GPR158: variants seen among roughly 807,000 people sequenced by gnomAD.
GPR158 encodes the protein metabotropic glycine receptor.
A neutral mutation model predicts 78.2 loss-of-function variants in GPR158; 30 were observed. The observed-to-expected ratio is 0.38, with a 90% CI of 0.29 to 0.52. The LOEUF (loss-of-function observed/expected upper bound fraction) is 0.52. Among genes scored for constraint, GPR158 ranks in the 20% least tolerant of loss-of-function variants. GPR158 has a pLI of 0.83. For synonymous variants in GPR158, 581 were observed against 591.1 expected, an observed-to-expected ratio of 0.98 and a Z score of 0.25; for missense variants, 1,463 against 1,523.5, an observed-to-expected ratio of 0.96 and a Z score of 0.66.
chr10:25,486,083 G>C (rs1219134488), intron 5 of GPR158, among the ~76,000 whole-genome samples: 1 of 152,232 alleles, frequency 6.6e-6, no homozygotes, highest in South Asian at 2.1e-4. Context: ...CAGCCTCCAG[G>C]ACTCGGAGAA....
At chr10:25,522,400 A>G (rs1836290050) in intron 5 of GPR158, among the ~76,000 whole-genome samples, 1 of 152,158 alleles carries the variant, frequency 6.6e-6, no homozygotes, top group South Asian at 2.1e-4. Flanking sequence ...TTACTTTTTT[A>G]TAAAGAGAGA....
At position 25,463,653 on chromosome 10, in the gene GPR158, T is replaced by C. The variant is rs575703732; in HGVS notation, c.1336-2998T>C. 4.6e-5 allele frequency among the ~76,000 whole-genome samples: 7 copies of C among 152,276 alleles called. No homozygotes were observed. The East Asian group carries it at 1.4e-3, about 29-fold the overall frequency. ...ATAACTAGGAAGGAGATGACTTTTT[T>C]TCTTGGTCTCTGTTATTTTGCTCAT... On this transcript the variant is annotated intron_variant, in intron 4 of 10. Transcript: ENST00000376351.
intron 4 of GPR158, among the ~76,000 whole-genome samples, chr10:25,441,787 T>A (rs1835071471): frequency 6.6e-6 from 1 of 152,346 alleles, no homozygotes; most frequent in South Asian, 2.1e-4. Flanking sequence ...GAGACTTTTC[T>A]TTGTTAATCT....
chr10:25,175,488 G>T lies in GPR158; in HGVS notation c.68G>T (p.Gly23Val). ...LLAQLGLGAV[G>V]ASRDPQGRPD... Reference sequence around the variant, plus strand: ...GCTCAGCTGGGATTGGGAGCTGTTGGCGCCAGCCGCGACCCCCAAGGACGG... The same window carrying T: ...GCTCAGCTGGGATTGGGAGCTGTTGTCGCCAGCCGCGACCCCCAAGGACGG... Residue 23 changes from glycine (G) to valine (V), a missense_variant, in exon 1 of 11, where the codon GGC (glycine) becomes GTC (valine). Coordinates refer to ENST00000376351, the MANE Select transcript of GPR158 (RefSeq NM_020752.3). This position sits in a 1 kb window ranked among gnomAD's most constrained non-coding sequence, Gnocchi z 6.4. The T allele has an allele frequency of 6.2e-7, 1 of 1,611,336 alleles. No homozygotes were observed. The highest frequency in any genetic ancestry group is 1.1e-5 in the South Asian group (1 of 90,860).
chr10:25,508,677 G>A (rs1337358576), intron 5 of GPR158, among the ~76,000 whole-genome samples: 1 of 152,086 alleles, frequency 6.6e-6, no homozygotes, highest in Admixed American at 6.5e-5. Flanking sequence ...CAGGTCAGCT[G>A]GCATCTGGCA....
rs397828725 is a variant in GPR158 at position 25,452,225 on chromosome 10, T to TAC, written c.1336-14426_1336-14425insAC. Among the ~76,000 whole-genome samples, 62 of 151,534 alleles carry TAC rather than the reference T, an allele frequency of 4.1e-4. No individual in the cohort carries two copies. In the East Asian group the frequency reaches 0.01, roughly 25 times the overall value. On this transcript the variant is annotated intron_variant, in intron 4 of 10. Coordinates refer to ENST00000376351, the MANE Select transcript of GPR158 (RefSeq NM_020752.3). ...GAAACCTTTTAAATATATATATATA[T>TAC]GGTAGCAATGAGGTCCCATTGCATT... is the stretch of plus-strand genomic sequence containing the variant.
chr10:25,448,272 A>T (rs1024695039), intron 4 of GPR158, among the ~76,000 whole-genome samples: 2 of 149,646 alleles, frequency 1.3e-5, no homozygotes, highest in Non-Finnish European at 3.0e-5. Flanking sequence ...TTTTTTTTTT[A>T]GTAGAGACGG....
intron 4 of GPR158, among the ~76,000 whole-genome samples, chr10:25,429,328 A>G (rs367752189): frequency 1.3e-5 from 2 of 152,114 alleles, no homozygotes; most frequent in African/African-American, 4.8e-5. Context: ...AAAATGCTAG[A>G]AGAAGTTTTA....
At chr10:25,427,213 G>A (rs1420524171) in intron 4 of GPR158, among the ~76,000 whole-genome samples, 2 of 152,058 alleles carry the variant, frequency 1.3e-5, no homozygotes, top group Non-Finnish European at 1.5e-5. Context: ...GGTGTGAAGG[G>A]TGTTGGGAGA....
chr10:25,194,686 A>G (rs951352169), intron 1 of GPR158, among the ~76,000 whole-genome samples: 25 of 152,194 alleles, frequency 1.6e-4, no homozygotes, highest in Non-Finnish European at 3.2e-4. Context: ...AACTGGCAGT[A>G]TGAGTTTTAG....
At chr10:25,237,164 C>T (rs1343030087) in intron 2 of GPR158, among the ~76,000 whole-genome samples, 1 of 152,130 alleles carries the variant, frequency 6.6e-6, no homozygotes, top group Non-Finnish European at 1.5e-5. Flanking sequence ...AGTTTCATCA[C>T]TAATTTATCT....
intron 2 of GPR158, among the ~76,000 whole-genome samples, chr10:25,239,591 G>C (rs953225537): frequency 1.4e-5 from 2 of 140,848 alleles, no homozygotes; most frequent in Non-Finnish European, 3.0e-5. Context: ...TTGGGTGACA[G>C]AGCGAGACTC....
chr10:25,283,151 T>A (rs1854300486), intron 2 of GPR158, among the ~76,000 whole-genome samples: 2 of 152,056 alleles, frequency 1.3e-5, no homozygotes, highest in South Asian at 4.1e-4. Flanking sequence ...TCTTCTTTGT[T>A]GGAAGATTTT....
intron 2 of GPR158, among the ~76,000 whole-genome samples, chr10:25,368,749 T>C (rs988638608): frequency 6.9e-6 from 1 of 144,340 alleles, no homozygotes; most frequent in African/African-American, 2.6e-5. Context: ...ATTGAATCTG[T>C]AAATTACCTT....
intron 2 of GPR158, among the ~76,000 whole-genome samples, chr10:25,311,482 T>C (rs1854763772): frequency 1.3e-5 from 2 of 152,046 alleles, no homozygotes; most frequent in Admixed American, 6.6e-5. Context: ...ATTTATTGTG[T>C]ATATGAAAGC....
chr10:25,299,314 A>G (rs1218343331), intron 2 of GPR158, among the ~76,000 whole-genome samples: 1 of 152,152 alleles, frequency 6.6e-6, no homozygotes, highest in African/African-American at 2.4e-5. Context: ...AGCTATAGTC[A>G]TTGTAATGTA....
intron 4 of GPR158, among the ~76,000 whole-genome samples, chr10:25,453,174 C>T (rs542744778): frequency 1.6e-4 from 25 of 152,228 alleles, no homozygotes; most frequent in Non-Finnish European, 1.2e-4. Context: ...GTAAATAATG[C>T]ACAGTGAACA....
chr10:25,195,617 A>G (rs1044986145), intron 1 of GPR158, among the ~76,000 whole-genome samples: 1 of 152,248 alleles, frequency 6.6e-6, no homozygotes, highest in Admixed American at 6.5e-5. Flanking sequence ...CTTTTGCAGA[A>G]CAACTATCAT....
At chr10:25,535,940 T>A (rs771326014) in intron 5 of GPR158, among the ~76,000 whole-genome samples, 4 of 152,206 alleles carry the variant, frequency 2.6e-5, no homozygotes, top group Non-Finnish European at 5.9e-5. Context: ...AACTGGCATT[T>A]CTCCATTGTT....
Sources: gnomAD v4.1 joint callset for allele counts (sites outside exome capture counted in the v4.1 genomes callset) on GRCh38, gnomAD v4.1.1 for gene constraint, Gnocchi (gnomAD v3.1) non-coding constraint, MANE v1.5 for transcripts, NCBI Gene and HGNC (gene_info 2026-07-23, HGNC 2026-07-21) for gene names.